DAB1: variants seen among roughly 807,000 people sequenced by gnomAD.
DAB1 encodes the protein DAB adaptor protein 1, also known as disabled homolog 1.
Under a neutral mutation model 64.6 loss-of-function variants are expected in DAB1, and 15 were observed. The observed-to-expected ratio is 0.23, with a 90% CI of 0.16 to 0.36. The LOEUF (loss-of-function observed/expected upper bound fraction) is 0.36, where lower values mean the gene tolerates loss of function less well. DAB1 is among the 10% of genes least tolerant of loss of function. DAB1 has a pLI of 1.00. For missense variants in DAB1, 596 were observed against 706.7 expected (o/e 0.84, Z 1.78); for synonymous variants, 235 against 251.9 (o/e 0.93, Z 0.64).
chr1:58,534,637 A>G (rs897530554), intron 1 of DAB1, among the ~76,000 whole-genome samples: 13 of 152,242 alleles, frequency 8.5e-5, no homozygotes, highest in African/African-American at 2.9e-4. Flanking sequence ...TAAACATTTT[A>G]GAAAACACTG....
intron 2 of DAB1, among the ~76,000 whole-genome samples, chr1:57,191,312 T>G (rs1364648056): frequency 6.6e-6 from 1 of 152,136 alleles, no homozygotes; most frequent in Non-Finnish European, 1.5e-5. Context: ...CACAGTAGGG[T>G]GCATGTGACA....
chr1:58,500,475 C>T (rs964769396), intron 3 of DAB1, among the ~76,000 whole-genome samples: 4 of 152,152 alleles, frequency 2.6e-5, no homozygotes, highest in African/African-American at 9.7e-5. Context: ...GAATGATTTA[C>T]ACGAGTTCAA....
At chr1:57,804,758 CTT>C (rs1272924752) in intron 6 of DAB1, among the ~76,000 whole-genome samples, 1 of 152,196 alleles carries the variant, frequency 6.6e-6, no homozygotes, top group South Asian at 2.1e-4. Context: ...CAACCAGACT[CTT>C]TGAAAATATC....
At chr1:58,161,689 A>G (rs1655546398) in intron 4 of DAB1, among the ~76,000 whole-genome samples, 1 of 152,178 alleles carries the variant, frequency 6.6e-6, no homozygotes, top group Admixed American at 6.5e-5. Flanking sequence ...AAATACTGTC[A>G]TCATGCCCAT....
At chr1:58,481,730 G>A (rs895198019) in intron 3 of DAB1, among the ~76,000 whole-genome samples, 1 of 152,082 alleles carries the variant, frequency 6.6e-6, no homozygotes, top group Non-Finnish European at 1.5e-5. Context: ...CATGGAGGTG[G>A]GTGTTTCCCG....
chr1:57,748,735 T>G (rs1378745568), intron 6 of DAB1, among the ~76,000 whole-genome samples: 1 of 151,654 alleles, frequency 6.6e-6, no homozygotes, highest in Admixed American at 6.6e-5. Flanking sequence ...AGGACTACTG[T>G]GTGGAAGGTT....
At chr1:58,102,934 T>C (rs1360313666) in intron 5 of DAB1, among the ~76,000 whole-genome samples, 1 of 151,834 alleles carries the variant, frequency 6.6e-6, no homozygotes, top group African/African-American at 2.4e-5. Context: ...GAACAGAGGG[T>C]CTGTCTGTGT....
intron 1 of DAB1, among the ~76,000 whole-genome samples, chr1:57,387,901 C>A (rs1298897903): frequency 6.6e-6 from 1 of 151,584 alleles, no homozygotes; most frequent in African/African-American, 2.4e-5. Context: ...ACCAGAAAGT[C>A]AAGAAAGATG....
intron 3 of DAB1, among the ~76,000 whole-genome samples, chr1:58,467,270 G>A (rs1051583134): frequency 1.3e-5 from 2 of 152,208 alleles, no homozygotes; most frequent in Admixed American, 6.5e-5. Context: ...AGGCCCTGTG[G>A]CCTGGACCCC....
Position 56,997,622 on chromosome 1 carries a change from C to T in DAB1, c.*522G>A, listed in dbSNP as rs982981623. 1 of 152,130 alleles carries T rather than the reference C, an allele frequency of 6.6e-6. No homozygotes were observed. Among genetic ancestry groups the T allele is most frequent in the Non-Finnish European group, 1.5e-5 (1 of 68,018 alleles). 9.4% of individuals were successfully genotyped at this position (152,130 alleles called of 1,614,324 possible). ...AGGCCCCATGGAGTGACAAAAAACA[C>T]ATCATCCTATGTGAAAAGGCATATG... is the stretch of plus-strand genomic sequence containing the variant. On this transcript the variant is annotated 3_prime_UTR_variant, in exon 15 of 15. Coordinates refer to ENST00000371236, the MANE Select transcript of DAB1 (RefSeq NM_001365792.1).
intron 3 of DAB1, among the ~76,000 whole-genome samples, chr1:58,425,067 C>A (rs972790525): frequency 6.6e-6 from 1 of 152,170 alleles, no homozygotes; most frequent in Non-Finnish European, 1.5e-5. Context: ...CCTCTGTTTT[C>A]AGATATTGTT....
At chr1:57,904,104 G>A (rs1226637170) in intron 5 of DAB1, among the ~76,000 whole-genome samples, 1 of 152,164 alleles carries the variant, frequency 6.6e-6, no homozygotes, top group Non-Finnish European at 1.5e-5. Flanking sequence ...GAATCACCTG[G>A]AAGTCCACTT....
At chr1:58,019,416 T>C (rs1646785817) in intron 5 of DAB1, among the ~76,000 whole-genome samples, 1 of 152,182 alleles carries the variant, frequency 6.6e-6, no homozygotes, top group Admixed American at 6.5e-5. Flanking sequence ...TGATCCATTT[T>C]TCAACCTCAG....
chr1:58,134,647 A>C (rs1289432375), intron 5 of DAB1, among the ~76,000 whole-genome samples: 1 of 152,202 alleles, frequency 6.6e-6, no homozygotes, highest in Non-Finnish European at 1.5e-5. Context: ...CATGGCCAGC[A>C]GGAGAGAGAC....
intron 7 of DAB1, among the ~76,000 whole-genome samples, chr1:57,606,792 A>G (rs1451079688): frequency 3.0e-5 from 1 of 33,824 alleles, no homozygotes; most frequent in African/African-American, 5.8e-5. Context: ...ATACATATAT[A>G]TATAGAGAGA....
At chr1:57,234,974 T>C (rs1248762001) in intron 2 of DAB1, among the ~76,000 whole-genome samples, 1 of 152,224 alleles carries the variant, frequency 6.6e-6, no homozygotes, top group East Asian at 1.9e-4. Context: ...GACAGAGACA[T>C]TTCTGCTTTG....
intron 7 of DAB1, among the ~76,000 whole-genome samples, chr1:57,511,707 C>G (rs1644407301): frequency 6.6e-6 from 1 of 152,194 alleles, no homozygotes; most frequent in Non-Finnish European, 1.5e-5. Flanking sequence ...ATGCCTAGCA[C>G]ATAGTGGAAG....
At chr1:57,859,326 A>T (rs1219428167) in intron 1 of DAB1, among the ~76,000 whole-genome samples, 2 of 152,102 alleles carry the variant, frequency 1.3e-5, no homozygotes, top group African/African-American at 4.8e-5. Flanking sequence ...TGGGCTCCGT[A>T]TCCCTCTGAC....
intron 5 of DAB1, among the ~76,000 whole-genome samples, chr1:57,907,500 T>G (rs917343957): frequency 5.9e-5 from 9 of 152,224 alleles, no homozygotes; most frequent in Admixed American, 5.9e-4. Context: ...ATTCATACTA[T>G]GTAATAAGTG....
Sources: gnomAD v4.1 joint callset for allele counts (sites outside exome capture counted in the v4.1 genomes callset) on GRCh38, gnomAD v4.1.1 for gene constraint, MANE v1.5 for transcripts, NCBI Gene and HGNC (gene_info 2026-07-23, HGNC 2026-07-21) for gene names.